The following PPIE variants were observed in gnomAD, a reference collection of about 807,000 sequenced individuals.
PPIE encodes the protein peptidylprolyl isomerase E, also known as peptidyl-prolyl cis-trans isomerase E.
Under a neutral mutation model 38.4 loss-of-function variants are expected in PPIE, and 20 were observed. That is an observed-to-expected ratio of 0.52 (90% confidence interval 0.37 to 0.76). The LOEUF (loss-of-function observed/expected upper bound fraction) is 0.76, where lower values mean the gene tolerates loss of function less well. Ranked by LOEUF, PPIE falls within the 30% of genes least tolerant of loss-of-function variation. The pLI is 0.00. For missense variants in PPIE, 322 were observed against 385.8 expected (o/e 0.83, Z 1.39); for synonymous variants, 142 against 135.7 (o/e 1.05, Z -0.32).
In PPIE at chr1:39,755,134, G is replaced by C. The variant is rs7547787; in HGVS notation, c.*1779G>C. 3.0e-6 allele frequency: 3 copies of C among 985,222 alleles called. No homozygotes were observed. Among genetic ancestry groups the C allele is most frequent in the Non-Finnish European group, 3.6e-6 (3 of 829,872 alleles). 61.0% of individuals were successfully genotyped at this position (985,222 alleles called of 1,614,324 possible). ...CCCTCCAGATGCTGGTCAGCCAGGC[G>C]GTTATAAAGAATCTCATCTGCTGAA... On this transcript the variant is annotated 3_prime_UTR_variant, in exon 10 of 10. Coordinates refer to ENST00000324379, the MANE Select transcript of PPIE (RefSeq NM_006112.4).
Position 39,743,290 on chromosome 1 carries a change from C to T in PPIE, c.276C>T (p.Ser92=), listed in dbSNP as rs750149944. ...AKPMRIKEGS[S]RPVWSDDDWL... The stretch of plus-strand genomic sequence containing the variant: ...CAATGAGAATTAAGGAAGGCTCTTC[C>T]AGGCCAGGTGAGTAGGAGCAACTTC... The change falls in exon 5 of 10, where the codon TCC becomes TCT. Residue 92 remains serine (S), a synonymous_variant. Transcript: ENST00000324379. 1.2e-6 allele frequency: 2 copies of T among 1,614,032 alleles called. No homozygotes were observed. Among genetic ancestry groups the T allele is most frequent in the South Asian group, 2.2e-5 (2 of 91,084 alleles).
At chr1:39,761,548 A>C (rs1648980744), downstream of PPIE, among the ~76,000 whole-genome samples, 1 of 151,454 alleles carries the variant, frequency 6.6e-6, no homozygotes. Context: ...GGAATAAAAC[A>C]CCTTCATTCA....
rs1648016021 is a variant in PPIE at position 39,753,875 on chromosome 1, A to G, written c.*520A>G. On this transcript the variant is annotated 3_prime_UTR_variant, in exon 10 of 10. Transcript: ENST00000324379. The stretch of plus-strand genomic sequence containing the variant: ...TGATGTATCTTCACACCAGGCATCG[A>G]TGTCAGGGCAACGGAAATTAAAGAC... The G allele has an allele frequency of 1.0e-6, 1 of 985,366 alleles. No homozygotes were observed. Among genetic ancestry groups the G allele is most frequent in the South Asian group, 4.7e-5 (1 of 21,280 alleles). The allele number at this position is 985,366 out of a possible 1,614,324, so 61.0% of individuals were successfully genotyped here.
downstream of PPIE, among the ~76,000 whole-genome samples, chr1:39,756,953 C>T (rs915007205): frequency 5.3e-5 from 8 of 152,218 alleles, no homozygotes; most frequent in Admixed American, 3.3e-4. Flanking sequence ...CCTGGATGGG[C>T]AGTTCCCCCA....
chr1:39,762,699 G>A (rs774134787), intron 9 of PPIE: 257 of 1,475,054 alleles, frequency 1.7e-4, no homozygotes, highest in Non-Finnish European at 2.2e-4. Context: ...CACATATCAC[G>A]GGCGGTCAGA....
chr1:39,741,848 G>A, intron 3 of PPIE, 47 bp from the exon 4 acceptor site: 1 of 1,611,914 alleles, frequency 6.2e-7, no homozygotes, highest in Non-Finnish European at 8.5e-7. Flanking sequence ...ACCATAAGAA[G>A]CATTTGGCTG....
At chr1:39,760,174 T>G, downstream of PPIE, 1 of 646,010 alleles carries the variant, frequency 1.5e-6, no homozygotes, top group Non-Finnish European at 2.5e-6. Flanking sequence ...GCGTTTGCAT[T>G]TGGGTAGAAC....
chr1:39,760,627 A>G, downstream of PPIE: 8 of 1,457,960 alleles, frequency 5.5e-6, no homozygotes, highest in Non-Finnish European at 7.3e-6. Context: ...CCAAGGACCC[A>G]CCCAGCCCCA....
At chr1:39,741,952 G>A (rs1569635919) in intron 4 of PPIE, 31 bp downstream of exon 4, 1 of 1,613,864 alleles carries the variant, frequency 6.2e-7, no homozygotes. Context: ...TCTAACTAAA[G>A]TTGCTTTTTG....
At position 39,743,919 on chromosome 1, in the gene PPIE, C is replaced by G. The variant is rs1438277009; in HGVS notation, c.379C>G (p.Gln127Glu). ...EGSEPPKAETQEGEPIAKKAR... is the reference protein window; with the variant it reads ...EGSEPPKAETEEGEPIAKKAR... ...GTCAGAGCCTCCCAAAGCAGAGACC[C>G]AGGAGGTGAGAATGAAGCTCCTGCT... Residue 127 changes from glutamine (Q) to glutamate (E), a missense_variant, in exon 6 of 10, where the codon CAG (glutamine) becomes GAG (glutamate). Transcript: ENST00000324379. 10 of 1,610,098 alleles carry G rather than the reference C, an allele frequency of 6.2e-6. No homozygotes were observed. Among genetic ancestry groups the G allele is most frequent in the Non-Finnish European group, 8.5e-6 (10 of 1,177,824 alleles).
Position 39,753,485 on chromosome 1 carries a change from T to G in PPIE, c.*130T>G. The stretch of plus-strand genomic sequence containing the variant: ...CAGCATTTGGGATATGTGCCCTTCC[T>G]CAGGGTCTGCTTGGAGCAGCTCCTC... On this transcript the variant is annotated 3_prime_UTR_variant, in exon 10 of 10. Coordinates refer to ENST00000324379, the MANE Select transcript of PPIE (RefSeq NM_006112.4). The G allele has an allele frequency of 6.8e-7, 1 of 1,479,068 alleles. No individual in the cohort carries two copies. Among genetic ancestry groups the G allele is most frequent in the South Asian group, 1.4e-5 (1 of 73,100 alleles). 91.6% of individuals were successfully genotyped at this position (1,479,068 alleles called of 1,614,324 possible). A position where few individuals can be genotyped will look rare whatever the true frequency, so the allele number is the denominator to read the frequency against.
chr1:39,763,689 AAAC>A, exon 10 of PPIE: 1 of 1,582,638 alleles, frequency 6.3e-7, no homozygotes, highest in Non-Finnish European at 8.6e-7. Context: ...GTCATTTCAG[AAAC>A]AAGAAGAGTC....
At chr1:39,745,670 T>C in intron 7 of PPIE, 172 bp downstream of exon 7, 1 of 1,011,800 alleles carries the variant, frequency 9.9e-7, no homozygotes, top group African/African-American at 1.6e-5. Flanking sequence ...GCAGGTGTTT[T>C]TGAAGCTTTA....
downstream of PPIE, chr1:39,761,192 G>C (rs1369453096): frequency 1.3e-5 from 2 of 153,102 alleles, no homozygotes; most frequent in African/African-American, 4.8e-5. Flanking sequence ...CTGCACTTGG[G>C]GTCTAATGGG....
At chr1:39,749,234 G>T (rs985078779) in intron 8 of PPIE, 146 bp downstream of exon 8, 2 of 828,806 alleles carry the variant, frequency 2.4e-6, no homozygotes, top group Non-Finnish European at 3.8e-6. Context: ...GAACCATGCA[G>T]CCTTGCTAGG....
rs201643454 is a variant in PPIE at position 39,743,818 on chromosome 1, T to G, written c.284-6T>G. ...AATGAACATTTGTTTGATTCTTTCC[T>G]TTCAGTTTGGTCAGATGATGACTGG... On this transcript the variant is annotated splice_region_variant and splice_polypyrimidine_tract_variant and intron_variant, in intron 5 of 9. Transcript: ENST00000324379. 1.2e-6 allele frequency: 2 copies of G among 1,608,450 alleles called. No individual in the cohort carries two copies. Among genetic ancestry groups the G allele is most frequent in the Non-Finnish European group, 1.7e-6 (2 of 1,175,336 alleles).
rs770514557 is a variant in PPIE at position 39,756,326 on chromosome 1, G to C, written c.*2971G>C. 2 of 985,450 alleles carry C rather than the reference G, an allele frequency of 2.0e-6. No homozygotes were observed. The highest frequency in any genetic ancestry group is 2.4e-6 in the Non-Finnish European group (2 of 829,934). 61.0% of individuals were successfully genotyped at this position (985,450 alleles called of 1,614,324 possible). ...ATTCCCATTGCTGGACCAGCACCAG[G>C]ACTGGGCACAGGGCTTCCTTTTGCT... On this transcript the variant is annotated 3_prime_UTR_variant, in exon 10 of 10. Transcript: ENST00000324379.
intron 1 of PPIE, 48 bp downstream of exon 1, chr1:39,738,979 A>C: frequency 2.1e-6 from 3 of 1,410,974 alleles, no homozygotes; most frequent in Non-Finnish European, 2.8e-6. Context: ...CGCGACCCCC[A>C]AGGGTCGGGG....
At chr1:39,753,095 G>C in intron 9 of PPIE, 43 bp downstream of exon 9, 2 of 1,612,312 alleles carry the variant, frequency 1.2e-6, no homozygotes, top group Non-Finnish European at 1.7e-6. Context: ...CAGGCCCTAG[G>C]AGCACAGCCC....
Sources: allele counts gnomAD v4.1 joint callset (sites outside exome capture counted in the v4.1 genomes callset), GRCh38; gene constraint gnomAD v4.1.1; transcripts MANE v1.5; gene names NCBI Gene and HGNC (gene_info 2026-07-23, HGNC 2026-07-21).